MYO9A: variants seen among roughly 807,000 people sequenced by gnomAD.
MYO9A encodes the protein myosin IXA.
Under a neutral mutation model 293.3 loss-of-function variants are expected in MYO9A, and 103 were observed. The observed-to-expected ratio is 0.35, with a 90% confidence interval of 0.30 to 0.41. The LOEUF is 0.41. Among genes scored for constraint, MYO9A ranks in the 10% least tolerant of loss-of-function variants. The pLI is 1.00. For synonymous variants in MYO9A, 1,001 were observed against 1,035.7 expected, an observed-to-expected ratio of 0.97 and a Z score of 0.64; for missense variants, 2,685 against 3,033.0, an observed-to-expected ratio of 0.89 and a Z score of 2.69.
intron 19 of MYO9A, among the ~76,000 whole-genome samples, chr15:71,907,072 T>C (rs1596160326): frequency 6.7e-6 from 1 of 149,212 alleles, no homozygotes. Flanking sequence ...TAGGTATATC[T>C]CCCAATGCTA....
chr15:72,091,836 T>C (rs1252454547), intron 1 of MYO9A, among the ~76,000 whole-genome samples: 1 of 151,572 alleles, frequency 6.6e-6, no homozygotes, highest in Non-Finnish European at 1.5e-5. Flanking sequence ...TGCCTCAGCC[T>C]CCCGAGTAGC....
chr15:72,103,477 C>G (rs1278871072), intron 1 of MYO9A, among the ~76,000 whole-genome samples: 1 of 144,792 alleles, frequency 6.9e-6, no homozygotes, highest in African/African-American at 2.8e-5. Context: ...GCAGCAGAAG[C>G]AGAAGCAGCG....
At chr15:71,975,980 T>C (rs564619227) in intron 12 of MYO9A, among the ~76,000 whole-genome samples, 40 of 152,306 alleles carry the variant, frequency 2.6e-4, no homozygotes, top group African/African-American at 9.4e-4. Context: ...CAGCTCCTCA[T>C]TGTTTCGTTT....
intron 39 of MYO9A, among the ~76,000 whole-genome samples, chr15:71,833,215 A>T (rs955096646): frequency 4.6e-5 from 7 of 151,590 alleles, no homozygotes; most frequent in East Asian, 1.9e-4. Flanking sequence ...GGGCCATATA[A>T]AAAAAAAGAA....
At chr15:72,090,129 C>A (rs903083709) in intron 1 of MYO9A, among the ~76,000 whole-genome samples, 1 of 152,112 alleles carries the variant, frequency 6.6e-6, no homozygotes, top group African/African-American at 2.4e-5. Flanking sequence ...TACTTATTAG[C>A]CCACTGGTAA....
chr15:71,833,519 A>G (rs996705992), intron 39 of MYO9A, among the ~76,000 whole-genome samples: 1 of 152,116 alleles, frequency 6.6e-6, no homozygotes, highest in Non-Finnish European at 1.5e-5. Flanking sequence ...ATAGACTATA[A>G]TCAGTACTGA....
In MYO9A at chr15:71,888,045, G is replaced by A. The variant is rs1174329920; in HGVS notation, c.5214C>T (p.Thr1738=). The change falls in exon 27 of 42, where the codon ACC becomes ACT. Residue 1738 remains threonine, a synonymous_variant. Transcript: ENST00000356056. ...LHKTMSQGEI[T]KLAVRQKASD... is the part of the protein sequence containing the mutation. ...AAGCCTTCTGTCTCACTGCCAACTTGGTAATCTCTCCTTGAGACATAGTCT... is the reference window on the plus strand; with the variant it reads ...AAGCCTTCTGTCTCACTGCCAACTTAGTAATCTCTCCTTGAGACATAGTCT... 1 of 1,609,752 alleles carries A rather than the reference G, an allele frequency of 6.2e-7. No individual in the cohort carries two copies. Among genetic ancestry groups the A allele is most frequent in the Non-Finnish European group, 8.5e-7 (1 of 1,177,480 alleles).
intron 9 of MYO9A, among the ~76,000 whole-genome samples, chr15:71,997,750 C>T (rs867677334): frequency 6.6e-6 from 1 of 151,734 alleles, no homozygotes; most frequent in African/African-American, 2.4e-5. Context: ...TAGAGAAACG[C>T]AAATCAAAAC....
intron 11 of MYO9A, 23 bp from the exon 12 acceptor site, chr15:71,978,315 TAAC>T: frequency 6.3e-7 from 1 of 1,582,974 alleles, no homozygotes; most frequent in Non-Finnish European, 8.6e-7. Flanking sequence ...AAAAATAAAA[TAAC>T]AATTTATTCA....
At position 71,994,629 on chromosome 15, in the gene MYO9A, A is replaced by G. The variant is rs1431017456; in HGVS notation, c.1471-44T>C. The G allele has an allele frequency of 3.4e-6, 4 of 1,160,984 alleles. No individual in the cohort carries two copies. In the Admixed American group the frequency reaches 9.4e-5, roughly 27 times the overall value. The allele number at this position is 1,160,984 out of a possible 1,614,324, so 71.9% of individuals were successfully genotyped here. A position where few individuals can be genotyped will look rare whatever the true frequency, so the allele number is the denominator to read the frequency against. On this transcript the variant is annotated intron_variant, in intron 9 of 41. Transcript: ENST00000356056. ...ACAAGTGCATGTAGAATTGACAATGATTAAGATACTATGACAAAGTTGTTT... is the reference window on the plus strand; with the variant it reads ...ACAAGTGCATGTAGAATTGACAATGGTTAAGATACTATGACAAAGTTGTTT...
chr15:72,007,870 T>C lies in MYO9A; in HGVS notation c.1336A>G (p.Ile446Val), dbSNP rs1480212378. 6 of 1,613,218 alleles carry C rather than the reference T, an allele frequency of 3.7e-6. No individual in the cohort carries two copies. Among genetic ancestry groups the C allele is most frequent in the Non-Finnish European group, 5.1e-6 (6 of 1,179,570 alleles). ...ATAGGCAGAACTTCAGGATTACAGA[T>C]ATCAATGGAGTCATCCCGGTATGTC... ...KKTYRDDSID[I>V]CNPEVLPIVS... Residue 446 changes from isoleucine (I) to valine (V), a missense_variant, in exon 8 of 42, where the codon ATC becomes GTC. By Grantham distance (29) the Ile-to-Val change is conservative. Around this residue, in one of 10 missense-constraint regions of MYO9A, gnomAD observed 289 missense variants for 456.8 expected, o/e 0.63. Coordinates refer to ENST00000356056, the MANE Select transcript of MYO9A (RefSeq NM_006901.4).
intron 34 of MYO9A, among the ~76,000 whole-genome samples, chr15:71,858,052 A>AT (rs1216877546): frequency 6.6e-6 from 1 of 152,306 alleles, no homozygotes; most frequent in Non-Finnish European, 1.5e-5. Context: ...CAAAACCACA[A>AT]TGAGATACCA....
intron 23 of MYO9A, 27 bp from the exon 24 acceptor site, chr15:71,900,033 C>T (rs1026250233): frequency 1.3e-6 from 2 of 1,571,506 alleles, no homozygotes. Flanking sequence ...ATAACAGAAA[C>T]TGGTTGTCAT....
intron 31 of MYO9A, among the ~76,000 whole-genome samples, chr15:71,877,610 A>G (rs746905561): frequency 2.6e-5 from 4 of 152,164 alleles, no homozygotes; most frequent in Admixed American, 1.3e-4. Context: ...GGCGCCTGCC[A>G]TCATGCCCAG....
In MYO9A at chr15:72,045,868, A is replaced by G; in HGVS notation, c.696T>C (p.Asn232=). Residue 232 remains asparagine, a synonymous_variant, in exon 2 of 42, where the codon AAT becomes AAC. Coordinates refer to ENST00000356056, the MANE Select transcript of MYO9A (RefSeq NM_006901.4). ...AYHAMLQRKK[N]QCIVISGESG... is the part of the protein sequence containing the mutation. ...TCTCTCCTGAAATCACGATGCACTGATTCTTTTTGCGCTGAAGCATGGCAT... is the reference window on the plus strand; with the variant it reads ...TCTCTCCTGAAATCACGATGCACTGGTTCTTTTTGCGCTGAAGCATGGCAT... 1 of 1,614,128 alleles carries G rather than the reference A, an allele frequency of 6.2e-7. No homozygotes were observed. The highest frequency in any genetic ancestry group is 8.5e-7 in the Non-Finnish European group (1 of 1,180,032).
chr15:71,983,466 A>ATTTTTTTTT (rs1217052840), intron 11 of MYO9A, among the ~76,000 whole-genome samples: 55 of 84,372 alleles, frequency 6.5e-4, no homozygotes, highest in East Asian at 1.8e-3. Context: ...TATTTTTTTT[A>ATTTTTTTTT]TTTCTTTTTT....
chr15:72,077,786 CAT>C (rs1201963655), intron 1 of MYO9A, among the ~76,000 whole-genome samples: 2 of 136,760 alleles, frequency 1.5e-5, no homozygotes, highest in Non-Finnish European at 3.1e-5. Context: ...TATATAAACA[CAT>C]AAACACACAC....
intron 17 of MYO9A, among the ~76,000 whole-genome samples, chr15:71,934,782 T>C (rs1436853975): frequency 7.7e-6 from 1 of 129,228 alleles, no homozygotes; most frequent in African/African-American, 2.8e-5. Flanking sequence ...TTTTCTTTTC[T>C]TTTCTTTTTT....
chr15:72,077,314 C>T (rs1198047192), intron 1 of MYO9A, among the ~76,000 whole-genome samples: 1 of 152,036 alleles, frequency 6.6e-6, no homozygotes, highest in East Asian at 1.9e-4. Context: ...CAAAAGGCAC[C>T]GTTAAGAGAA....
Sources: gnomAD v4.1 joint callset for allele counts (sites outside exome capture counted in the v4.1 genomes callset) on GRCh38, gnomAD v4.1.1 for gene constraint, gnomAD v4.1.1 regional missense constraint, MANE v1.5 for transcripts, NCBI Gene and HGNC (gene_info 2026-07-23, HGNC 2026-07-21) for gene names.